The following GLT8D2 variants were observed in gnomAD, a reference collection of about 807,000 sequenced individuals.
GLT8D2 encodes glycosyltransferase 8 domain-containing protein 2.
A neutral mutation model predicts 44.5 loss-of-function variants in GLT8D2; 45 were observed. That is an observed-to-expected ratio of 1.01 (90% CI 0.80 to 1.30). The LOEUF is 1.30. Ranked by LOEUF, GLT8D2 falls within the 50% of genes most tolerant of loss-of-function variation. The pLI, the probability that GLT8D2 is intolerant of heterozygous loss-of-function variation, is 0.00. For synonymous variants in GLT8D2, 156 were observed against 157.2 expected, an observed-to-expected ratio of 0.99 and a Z score of 0.06; for missense variants, 400 against 430.4, an observed-to-expected ratio of 0.93 and a Z score of 0.62.
At chr12:104,029,408 T>G (rs951904002) in intron 1 of GLT8D2, among the ~76,000 whole-genome samples, 2 of 152,172 alleles carry the variant, frequency 1.3e-5, no homozygotes, top group Non-Finnish European at 2.9e-5. Context: ...CCTGAGAGAA[T>G]AAATGTGGTA....
chr12:104,005,964 C>G, intron 4 of GLT8D2, among the ~76,000 whole-genome samples: 1 of 152,078 alleles, frequency 6.6e-6, no homozygotes, highest in Admixed American at 6.5e-5. Flanking sequence ...ATCACAATAG[C>G]AAAGACTTGG....
At chr12:104,003,879 G>A (rs1874589309) in intron 4 of GLT8D2, among the ~76,000 whole-genome samples, 1 of 152,142 alleles carries the variant, frequency 6.6e-6, no homozygotes, top group African/African-American at 2.4e-5. Flanking sequence ...AAATTCTCGA[G>A]TTTGCAGGAT....
At chr12:104,010,576 G>A (rs1875704632) in intron 4 of GLT8D2, among the ~76,000 whole-genome samples, 1 of 152,212 alleles carries the variant, frequency 6.6e-6, no homozygotes, top group Admixed American at 6.5e-5. Flanking sequence ...AGCTCTGTGA[G>A]GGCAGGTATT....
At chr12:104,004,933 A>T (rs1874772955) in intron 4 of GLT8D2, among the ~76,000 whole-genome samples, 1 of 152,200 alleles carries the variant, frequency 6.6e-6, no homozygotes, top group East Asian at 1.9e-4. Context: ...AGTCAATCCT[A>T]AGCCAAAAGA....
chr12:104,002,300 C>T (rs957205257), intron 5 of GLT8D2, among the ~76,000 whole-genome samples: 8 of 152,200 alleles, frequency 5.3e-5, no homozygotes, highest in African/African-American at 9.6e-5. Flanking sequence ...GTATTTTTTT[C>T]CTCTGTGAAT....
At chr12:104,039,140 T>C (rs995701536) in intron 1 of GLT8D2, among the ~76,000 whole-genome samples, 14 of 152,076 alleles carry the variant, frequency 9.2e-5, no homozygotes, top group Non-Finnish European at 1.8e-4. Context: ...ATACAAAAAT[T>C]AATTCAAGAT....
At chr12:104,036,502 G>C (rs1318887321) in intron 1 of GLT8D2, among the ~76,000 whole-genome samples, 2 of 151,978 alleles carry the variant, frequency 1.3e-5, no homozygotes, top group East Asian at 3.9e-4. Context: ...AAAAAGCAGG[G>C]GCTGCAATCC....
At chr12:104,045,956 A>AG (rs1465365066) in intron 1 of GLT8D2, among the ~76,000 whole-genome samples, 31 of 132,110 alleles carry the variant, frequency 2.3e-4, no homozygotes, top group Admixed American at 3.7e-4. Context: ...AAAGAAAGAA[A>AG]ATAAGAAAGA....
chr12:104,012,170 C>CAA (rs10571369), intron 4 of GLT8D2, among the ~76,000 whole-genome samples: 24 of 83,244 alleles, frequency 2.9e-4, no homozygotes, highest in South Asian at 4.7e-4. Flanking sequence ...AACTCTGTCT[C>CAA]AAAAAAAAAA....
intron 2 of GLT8D2, among the ~76,000 whole-genome samples, chr12:104,020,226 A>T (rs1162406133): frequency 6.6e-6 from 1 of 151,850 alleles, no homozygotes; most frequent in African/African-American, 2.4e-5. Flanking sequence ...CCAGCCCAGA[A>T]TTTTTTTTAA....
intron 10 of GLT8D2, among the ~76,000 whole-genome samples, chr12:103,991,947 C>T (rs940520323): frequency 4.6e-5 from 7 of 151,948 alleles, no homozygotes; most frequent in Admixed American, 2.6e-4. Flanking sequence ...GTAATGGACA[C>T]TTGGTAAATA....
intron 1 of GLT8D2, among the ~76,000 whole-genome samples, chr12:104,038,250 T>C (rs989564325): frequency 2.6e-5 from 4 of 152,122 alleles, no homozygotes; most frequent in African/African-American, 9.7e-5. Flanking sequence ...AGGGATGCCC[T>C]CTCTCACCAC....
chr12:104,040,290 T>C lies in GLT8D2; in HGVS notation c.-164+9605A>G, dbSNP rs1880391727. Among the ~76,000 whole-genome samples the C allele has an allele frequency of 2.0e-5, 3 of 152,156 alleles. No individual in the cohort carries two copies. In the South Asian group the frequency reaches 6.2e-4, roughly 32 times the overall value. On this transcript the variant is annotated intron_variant, in intron 1 of 10. Transcript: ENST00000360814. ...TGCACATGTACCCTAGAACTTAAAG[T>C]ATAATAATAAAAAAATTATTTATGC...
intron 7 of GLT8D2, 124 bp from the exon 8 acceptor site, chr12:103,996,971 G>A: frequency 1.6e-6 from 1 of 622,872 alleles, no homozygotes; most frequent in Non-Finnish European, 2.8e-6. Context: ...CTGATTTCAA[G>A]TGGCTTGACT....
chr12:104,014,919 T>C, intron 4 of GLT8D2, 94 bp downstream of exon 4: 1 of 832,032 alleles, frequency 1.2e-6, no homozygotes, highest in African/African-American at 1.7e-5. Context: ...AAACTGTCAC[T>C]TGTCCCTGAA....
At chr12:104,007,794 G>A (rs999088363) in intron 4 of GLT8D2, among the ~76,000 whole-genome samples, 4 of 152,284 alleles carry the variant, frequency 2.6e-5, no homozygotes, top group African/African-American at 9.6e-5. Flanking sequence ...GTTGTGGGAG[G>A]GACCCAGTGG....
upstream of GLT8D2, among the ~76,000 whole-genome samples, chr12:104,053,509 G>A (rs1336921932): frequency 6.6e-6 from 1 of 152,218 alleles, no homozygotes; most frequent in Non-Finnish European, 1.5e-5. Flanking sequence ...GGACTCTTGT[G>A]TGGGTTAAAA....
intron 4 of GLT8D2, among the ~76,000 whole-genome samples, chr12:104,009,690 T>G (rs1207548498): frequency 6.6e-6 from 1 of 152,188 alleles, no homozygotes; most frequent in Non-Finnish European, 1.5e-5. Flanking sequence ...CATCTTGAAT[T>G]GTACTCCCAT....
At position 104,006,569 on chromosome 12, in the gene GLT8D2, G is replaced by A. The variant is rs547693606; in HGVS notation, c.113-3263C>T. 4.5e-4 allele frequency among the ~76,000 whole-genome samples: 69 copies of A among 151,988 alleles called. 1 individual carries two copies. Among genetic ancestry groups the A allele is most frequent in the Non-Finnish European group, 7.5e-4 (51 of 67,996 alleles). On this transcript the variant is annotated intron_variant, in intron 4 of 10. Transcript: ENST00000360814. ...GAAGAGATAACTGTGCATGCCTCAGGACCTTTTAGACCTCCTCTCCTCTTC... is the reference window on the plus strand; with the variant it reads ...GAAGAGATAACTGTGCATGCCTCAGAACCTTTTAGACCTCCTCTCCTCTTC...
Sources: allele counts gnomAD v4.1 joint callset (sites outside exome capture counted in the v4.1 genomes callset), GRCh38; gene constraint gnomAD v4.1.1; transcripts MANE v1.5; gene names NCBI Gene and HGNC (gene_info 2026-07-23, HGNC 2026-07-21).